SRRM2: variants seen among roughly 807,000 people sequenced by gnomAD.
SRRM2 encodes serine/arginine repetitive matrix 2, also known as serine/arginine repetitive matrix protein 2.
SRRM2 carries 30 observed loss-of-function variants against 213.8 expected under a neutral mutation model. The ratio of observed to expected loss-of-function variants is 0.14; its 90% confidence interval spans 0.10 to 0.19. SRRM2 has a LOEUF of 0.19. Ranked by LOEUF, SRRM2 falls within the 10% of genes least tolerant of loss-of-function variation. SRRM2 has a pLI of 1.00. For synonymous variants in SRRM2, 2,025 were observed against 1,377.7 expected, an observed-to-expected ratio of 1.47 and a Z score of -10.40; for missense variants, 4,904 against 3,647.0, an observed-to-expected ratio of 1.34 and a Z score of -8.88.
Position 2,766,093 on chromosome 16 carries a change from C to G in SRRM2, c.5565C>G (p.Arg1855=), listed in dbSNP as rs2068532229. 1 of 1,614,170 alleles carries G rather than the reference C, an allele frequency of 6.2e-7. No individual in the cohort carries two copies. Among genetic ancestry groups the G allele is most frequent in the Non-Finnish European group, 8.5e-7 (1 of 1,180,024 alleles). Residue 1855 remains arginine (R), a synonymous_variant, in exon 11 of 15, where the codon CGC becomes CGG. Transcript: ENST00000301740. The surrounding 1 kb of genome is among the most constrained non-coding windows in gnomAD (Gnocchi z 7.0). The part of the protein sequence containing the change: ...PPTSRKRSRS[R]TSPAPWKRSR... ...CCAGTCGGAAGCGTTCTCGCTCACG[C>G]ACATCACCAGCCCCGTGGAAACGCT...
rs2150770997 is a variant in SRRM2 at position 2,756,424 on chromosome 16, G to A, written c.60G>A (p.Gln20=). 6.2e-7 allele frequency: 1 copy of A among 1,612,138 alleles called. No homozygotes were observed. ...GCAGCGGCACCAACGGCTACGTCCA[G>A]CGCAACCTGTCCCTGGTGCGGGGCC... ...PRGSGTNGYV[Q]RNLSLVRGRR... is the part of the protein sequence containing the mutation. Residue 20 remains glutamine, a synonymous_variant, in exon 2 of 15, where the codon CAG becomes CAA. Coordinates refer to ENST00000301740, the MANE Select transcript of SRRM2 (RefSeq NM_016333.4).
rs2068383533 is a variant in SRRM2 at position 2,762,365 on chromosome 16, G to A, written c.1837G>A (p.Gly613Ser). The change falls in exon 11 of 15, where the codon GGC becomes AGC. Residue 613 changes from glycine to serine, a missense_variant. By Grantham distance (56) the Gly-to-Ser change is moderately conservative. Coordinates refer to ENST00000301740, the MANE Select transcript of SRRM2 (RefSeq NM_016333.4). ...RSRSRTPARRGRSRSRTPARR... is the reference protein window; with the variant it reads ...RSRSRTPARRSRSRSRTPARR... Reference sequence around the variant, plus strand: ...TCGGTCTAGAACACCAGCCCGGAGGGGCAGGTCTCGGTCTAGAACACCTGC... The same window carrying A: ...TCGGTCTAGAACACCAGCCCGGAGGAGCAGGTCTCGGTCTAGAACACCTGC... The A allele has an allele frequency of 3.1e-6, 5 of 1,611,064 alleles. No individual in the cohort carries two copies. The highest frequency in any genetic ancestry group is 4.2e-6 in the Non-Finnish European group (5 of 1,178,912).
At position 2,766,086 on chromosome 16, in the gene SRRM2, G is replaced by A. The variant is rs769200497; in HGVS notation, c.5558G>A (p.Arg1853His). 7.4e-6 allele frequency: 12 copies of A among 1,613,964 alleles called. No homozygotes were observed. The highest frequency in any genetic ancestry group is 4.4e-5 in the South Asian group (4 of 91,084). ...RTPPTSRKRS[R>H]SRTSPAPWKR... ...CCCCCAACCAGTCGGAAGCGTTCTCGCTCACGCACATCACCAGCCCCGTGG... is the reference window on the plus strand; with the variant it reads ...CCCCCAACCAGTCGGAAGCGTTCTCACTCACGCACATCACCAGCCCCGTGG... Residue 1853 changes from arginine to histidine, a missense_variant, in exon 11 of 15, where the codon CGC becomes CAC. Coordinates refer to ENST00000301740, the MANE Select transcript of SRRM2 (RefSeq NM_016333.4). The surrounding 1 kb of genome is among the most constrained non-coding windows in gnomAD (Gnocchi z 7.0).
chr16:2,756,047 AAAG>A (rs1453593389), intron 1 of SRRM2, among the ~76,000 whole-genome samples: 1 of 152,186 alleles, frequency 6.6e-6, no homozygotes, highest in Non-Finnish European at 1.5e-5. Context: ...TAGGGTGGAA[AAAG>A]AAGAAAATTT....
Position 2,762,769 on chromosome 16 carries a change from A to G in SRRM2, c.2241A>G (p.Pro747=). ...GAAGAAGCAGGTCCAATTCAAGCCC[A>G]GAAATGAAGAAATCTCGCATTTCTT... ...SQRRSRSNSS[P]EMKKSRISSR... Residue 747 remains proline (P), a synonymous_variant, in exon 11 of 15, where the codon CCA becomes CCG. Coordinates refer to ENST00000301740, the MANE Select transcript of SRRM2 (RefSeq NM_016333.4). The G allele has an allele frequency of 6.2e-7, 1 of 1,614,236 alleles. No individual in the cohort carries two copies. The highest frequency in any genetic ancestry group is 1.7e-5 in the Admixed American group (1 of 60,032).
chr16:2,768,018 C>G lies in SRRM2; in HGVS notation c.7490C>G (p.Pro2497Arg). Residue 2497 changes from proline (P) to arginine (R), a missense_variant, in exon 11 of 15, where the codon CCT becomes CGT. Pro to Arg is a moderately radical substitution (Grantham distance 103). Transcript: ENST00000301740. ...AGDHNGMLSV[P>R]APGVPHSDVG... ...GATCACAATGGCATGCTCTCTGTCCCTGCCCCTGGGGTGCCCCACTCTGAT... is the reference window on the plus strand; with the variant it reads ...GATCACAATGGCATGCTCTCTGTCCGTGCCCCTGGGGTGCCCCACTCTGAT... 1 of 1,614,240 alleles carries G rather than the reference C, an allele frequency of 6.2e-7. No individual in the cohort carries two copies. The highest frequency in any genetic ancestry group is 8.5e-7 in the Non-Finnish European group (1 of 1,180,044).
In SRRM2 at chr16:2,758,801, GTTGAC is replaced by G. The variant is rs1479437273; in HGVS notation, c.594-181_594-177del. On this transcript the variant is annotated intron_variant, in intron 5 of 14. Transcript: ENST00000301740. ...AATTTTCTTTTTCATTTTGAGGTTT[GTTGAC>G]TTAAGGAGTTACTTGTGCTTGTTGG... is the stretch of plus-strand genomic sequence containing the variant. The G allele has an allele frequency of 6.9e-6, 5 of 726,946 alleles. No homozygotes were observed. The African/African-American group carries it at 7.1e-5, about 10-fold the overall frequency. 45.0% of individuals were successfully genotyped at this position (726,946 alleles called of 1,614,324 possible). A position where few individuals can be genotyped will look rare whatever the true frequency, so the allele number is the denominator to read the frequency against.
chr16:2,768,788 G>A, intron 11 of SRRM2: 2 of 914,824 alleles, frequency 2.2e-6, no homozygotes, highest in Non-Finnish European at 3.5e-6. Context: ...GATCCCTTAT[G>A]CTGCGGGCCC....
Position 2,768,093 on chromosome 16 carries a change from C to T in SRRM2, c.7565C>T (p.Ala2522Val), listed in dbSNP as rs867224508. 6.2e-7 allele frequency: 1 copy of T among 1,614,150 alleles called. No individual in the cohort carries two copies. The highest frequency in any genetic ancestry group is 8.5e-7 in the Non-Finnish European group (1 of 1,180,006). The part of the protein sequence containing the change: ...STGAQQPSAL[A>V]ALQPAKERRS... Reference sequence around the variant, plus strand: ...GGGGCCCAGCAGCCTTCTGCATTAGCCGCCCTGCAGCCAGCAAAGGAGCGG... The same window carrying T: ...GGGGCCCAGCAGCCTTCTGCATTAGTCGCCCTGCAGCCAGCAAAGGAGCGG... The change falls in exon 11 of 15, where the codon GCC becomes GTC. Residue 2522 changes from alanine to valine, a missense_variant. Physicochemically the swap from Ala to Val is moderately conservative, Grantham distance 64. Transcript: ENST00000301740.
Position 2,766,480 on chromosome 16 carries a change from C to CAGAACA in SRRM2, c.5953_5958dup (p.Arg1985_Thr1986dup). The CAGAACA allele has an allele frequency of 6.2e-7, 1 of 1,614,094 alleles. No individual in the cohort carries two copies. Among genetic ancestry groups the CAGAACA allele is most frequent in the Non-Finnish European group, 8.5e-7 (1 of 1,180,020 alleles). Reference sequence around the variant, plus strand: ...CTATCACTCGCAGAAGATCAAGATCCAGAACATCTCCGGTCACCCGAAGGA... The same window carrying CAGAACA: ...CTATCACTCGCAGAAGATCAAGATCCAGAACAAGAACATCTCCGGTCACCCGAAGGA... On this transcript the variant is annotated inframe_insertion, in exon 11 of 15. Transcript: ENST00000301740. This position sits in a 1 kb window ranked among gnomAD's most constrained non-coding sequence, Gnocchi z 7.0.
intron 9 of SRRM2, 44 bp downstream of exon 9, chr16:2,759,705 GTTAA>G (rs747029370): frequency 1.0e-5 from 16 of 1,557,418 alleles, no homozygotes; most frequent in African/African-American, 1.4e-5. Context: ...GGAATGATGG[GTTAA>G]TTAATTTAAT....
rs2150772189 is a variant in SRRM2, at chr16:2,757,814, T to C, written c.384T>C (p.Asn128=). The change falls in exon 4 of 15, where the codon AAT becomes AAC. Residue 128 remains asparagine, a synonymous_variant. Transcript: ENST00000301740. The stretch of plus-strand genomic sequence containing the variant: ...AGACTCACCAGTTGGCAGAATTAAA[T>C]GAGAAGAAGAATGAAAGACTCCGTG... ...VTETHQLAEL[N]EKKNERLRAA... is the part of the protein sequence containing the mutation. 1 of 1,614,130 alleles carries C rather than the reference T, an allele frequency of 6.2e-7. No homozygotes were observed. The highest frequency in any genetic ancestry group is 2.2e-5 in the East Asian group (1 of 44,888).
chr16:2,765,426 C>T lies in SRRM2; in HGVS notation c.4898C>T (p.Pro1633Leu). Residue 1633 changes from proline to leucine, a missense_variant, in exon 11 of 15, where the codon CCC becomes CTC. Physicochemically the swap from Pro to Leu is moderately conservative, Grantham distance 98. Coordinates refer to ENST00000301740, the MANE Select transcript of SRRM2 (RefSeq NM_016333.4). ...AAAGCTCCAGCCCCTCGGGCCCTTC[C>T]CAGACGAAGCAGATCAGGTTCATCA... ...EPKAPAPRAL[P>L]RRSRSGSSSK... 2.5e-6 allele frequency: 4 copies of T among 1,614,142 alleles called. No individual in the cohort carries two copies. Among genetic ancestry groups the T allele is most frequent in the South Asian group, 2.2e-5 (2 of 91,076 alleles).
rs774179580 is a variant in SRRM2, at chr16:2,761,904, C to G, written c.1376C>G (p.Ser459Cys). 2.5e-6 allele frequency: 4 copies of G among 1,613,594 alleles called. No individual in the cohort carries two copies. The highest frequency in any genetic ancestry group is 3.4e-6 in the Non-Finnish European group (4 of 1,180,034). ...CGAGAGATTTCTTCTTCTCCCACAT[C>G]TAAGAATCGCTCACATGGCCGAGCA... is the stretch of plus-strand genomic sequence containing the variant. The part of the protein sequence containing the change: ...SHREISSSPT[S>C]KNRSHGRAKR... The change falls in exon 11 of 15, where the codon TCT becomes TGT. Residue 459 changes from serine to cysteine, a missense_variant. Physicochemically the swap from Ser to Cys is moderately radical, Grantham distance 112. Coordinates refer to ENST00000301740, the MANE Select transcript of SRRM2 (RefSeq NM_016333.4).
chr16:2,762,843 G>C lies in SRRM2; in HGVS notation c.2315G>C (p.Arg772Pro), dbSNP rs144124351. The change falls in exon 11 of 15, where the codon CGC becomes CCC. Residue 772 changes from arginine to proline, a missense_variant. Coordinates refer to ENST00000301740, the MANE Select transcript of SRRM2 (RefSeq NM_016333.4). ...TCACCACGGTCCAAAGCAAAATCTC[G>C]CTTGTCTTTGAGGCGCAGCCTTTCA... ...LSSPRSKAKSRLSLRRSLSGS... is the reference protein window; with the variant it reads ...LSSPRSKAKSPLSLRRSLSGS... 3.1e-6 allele frequency: 5 copies of C among 1,614,028 alleles called. No homozygotes were observed. In the Admixed American group the frequency reaches 8.3e-5, roughly 27 times the overall value.
rs1357932620 is a variant in SRRM2 at position 2,762,713 on chromosome 16, G to A, written c.2185G>A (p.Glu729Lys). The A allele has an allele frequency of 4.3e-6, 7 of 1,614,056 alleles. No individual in the cohort carries two copies. Among genetic ancestry groups the A allele is most frequent in the Non-Finnish European group, 5.9e-6 (7 of 1,180,040 alleles). The change falls in exon 11 of 15, where the codon GAG becomes AAG. Residue 729 changes from glutamate to lysine, a missense_variant. By Grantham distance (56) the Glu-to-Lys change is moderately conservative. Coordinates refer to ENST00000301740, the MANE Select transcript of SRRM2 (RefSeq NM_016333.4). ...AAGAGGCAGATCTGGCTCATCTTCA[G>A]AGCGGAAAAACAAATCCAGAACATC... ...QRRGRSGSSS[E>K]RKNKSRTSQR...
rs754452856 is a variant in SRRM2 at position 2,757,738 on chromosome 16, G to A, written c.351-43G>A. The A allele has an allele frequency of 5.0e-6, 8 of 1,609,068 alleles. No homozygotes were observed. In the Admixed American group the frequency reaches 1.2e-4, roughly 24 times the overall value. ...ATACTTGTGTTCTGAATATGGCTCT[G>A]TCCTTTATATTTCCTTCAGACTTTT... On this transcript the variant is annotated intron_variant, in intron 3 of 14. Transcript: ENST00000301740.
At position 2,762,919 on chromosome 16, in the gene SRRM2, T is replaced by G; in HGVS notation, c.2391T>G (p.Ser797Arg). 1 of 1,610,020 alleles carries G rather than the reference T, an allele frequency of 6.2e-7. No homozygotes were observed. The highest frequency in any genetic ancestry group is 8.5e-7 in the Non-Finnish European group (1 of 1,176,474). Residue 797 changes from serine to arginine, a missense_variant, in exon 11 of 15, where the codon AGT becomes AGG. Physicochemically the swap from Ser to Arg is moderately radical, Grantham distance 110 (BLOSUM62 -1). Transcript: ENST00000301740. ...AGTCACAGACACCACCCAGGCGCAG[T>G]CGCTCTGGATCCTCCCAACCTAAAG... ...KQKSQTPPRR[S>R]RSGSSQPKAK...
intron 10 of SRRM2, 36 bp downstream of exon 10, chr16:2,760,535 A>T: frequency 6.2e-7 from 1 of 1,606,404 alleles, no homozygotes; most frequent in Non-Finnish European, 8.5e-7. Flanking sequence ...ATTGGATTGC[A>T]AATGTATAGA....
Sources: allele counts gnomAD v4.1 joint callset (sites outside exome capture counted in the v4.1 genomes callset), GRCh38; gene constraint gnomAD v4.1.1; non-coding constraint Gnocchi (gnomAD v3.1); transcripts MANE v1.5; gene names NCBI Gene and HGNC (gene_info 2026-07-23, HGNC 2026-07-21).